NTRK3: variants seen among roughly 807,000 people sequenced by gnomAD.
NTRK3 encodes neurotrophic receptor tyrosine kinase 3.
A neutral mutation model predicts 91.7 loss-of-function variants in NTRK3; 24 were observed. The observed-to-expected ratio is 0.26, with a 90% CI of 0.19 to 0.37. The LOEUF is 0.37. Among genes scored for constraint, NTRK3 ranks in the 10% least tolerant of loss-of-function variants. NTRK3 has a pLI of 1.00. For synonymous variants in NTRK3, 483 were observed against 404.0 expected, an observed-to-expected ratio of 1.20 and a Z score of -2.34; for missense variants, 880 against 1,068.9, an observed-to-expected ratio of 0.82 and a Z score of 2.46.
intron 5 of NTRK3, among the ~76,000 whole-genome samples, chr15:88,153,553 C>A (rs778510579): frequency 6.6e-6 from 1 of 152,172 alleles, no homozygotes; most frequent in Non-Finnish European, 1.5e-5. Flanking sequence ...CTGTGCCCAG[C>A]CTCTTTTTTT....
At chr15:88,198,767 CA>C (rs1288593436) in intron 3 of NTRK3, among the ~76,000 whole-genome samples, 1 of 152,182 alleles carries the variant, frequency 6.6e-6, no homozygotes. Flanking sequence ...AGGTGGGCTC[CA>C]ACCTGCAGTG....
chr15:87,890,986 A>C (rs905140062), intron 17 of NTRK3, among the ~76,000 whole-genome samples: 1 of 152,214 alleles, frequency 6.6e-6, no homozygotes, highest in African/African-American at 2.4e-5. Context: ...GATTTTTCTC[A>C]TATCAAATTT....
chr15:88,101,431 A>G (rs2050160918), intron 13 of NTRK3, among the ~76,000 whole-genome samples: 1 of 152,324 alleles, frequency 6.6e-6, no homozygotes, highest in South Asian at 2.1e-4. Context: ...ACTGTAAACT[A>G]GTTCAACCAT....
chr15:87,904,884 C>T (rs1176361935), intron 17 of NTRK3, among the ~76,000 whole-genome samples: 1 of 152,178 alleles, frequency 6.6e-6, no homozygotes, highest in Non-Finnish European at 1.5e-5. Flanking sequence ...AGCTAATTTG[C>T]TTGCTTATTT....
intron 14 of NTRK3, among the ~76,000 whole-genome samples, chr15:88,022,388 C>A (rs943210978): frequency 2.0e-5 from 3 of 152,184 alleles, no homozygotes; most frequent in Non-Finnish European, 4.4e-5. Flanking sequence ...TCCTATCTGA[C>A]CCCTATGTAT....
intron 5 of NTRK3, among the ~76,000 whole-genome samples, chr15:88,153,409 A>AT (rs1455934490): frequency 2.0e-5 from 3 of 151,724 alleles, no homozygotes; most frequent in Non-Finnish European, 4.4e-5. Flanking sequence ...CTCCCAGCTA[A>AT]TTTTTTGTAT....
At chr15:87,907,627 A>T (rs955157901) in intron 17 of NTRK3, among the ~76,000 whole-genome samples, 8 of 152,146 alleles carry the variant, frequency 5.3e-5, no homozygotes, top group Non-Finnish European at 1.2e-4. Context: ...GCCTGTGGAA[A>T]GCCTCTCAAG....
At chr15:87,978,624 C>T (rs1186015439) in intron 14 of NTRK3, 5 of 230,968 alleles carry the variant, frequency 2.2e-5, no homozygotes, top group Non-Finnish European at 3.4e-5. Flanking sequence ...CTCTCCTCTG[C>T]AAGGAGTTTT....
chr15:88,000,721 C>T (rs977866890), intron 14 of NTRK3, among the ~76,000 whole-genome samples: 5 of 152,090 alleles, frequency 3.3e-5, no homozygotes, highest in Admixed American at 6.5e-5. Context: ...AATAATATTC[C>T]ATGGATATAT....
exon 19 of NTRK3, chr15:87,876,816 T>C: frequency 8.3e-7 from 1 of 1,206,132 alleles, no homozygotes; most frequent in Non-Finnish European, 1.2e-6. Flanking sequence ...AGCAGGCACT[T>C]GAGTTTATAT....
chr15:88,021,769 A>G lies in NTRK3; in HGVS notation c.1585+11088T>C, dbSNP rs527728428. Among the ~76,000 whole-genome samples, 7 of 152,270 alleles carry G rather than the reference A, an allele frequency of 4.6e-5. No homozygotes were observed. The South Asian group carries it at 1.5e-3, about 32-fold the overall frequency. ...ACAATATAGTGCAAGGGGAATGAGA[A>G]CCGACAAATTCTTTGGGACATCTGT... On this transcript the variant is annotated intron_variant, in intron 14 of 18. Transcript: ENST00000394480.
At chr15:87,977,064 G>C (rs1596488190) in intron 14 of NTRK3, among the ~76,000 whole-genome samples, 1 of 152,310 alleles carries the variant, frequency 6.6e-6, no homozygotes, top group Non-Finnish European at 1.5e-5. Flanking sequence ...AGTCAGATTT[G>C]AATCTTGCTT....
At chr15:88,161,245 T>C (rs779671618) in intron 5 of NTRK3, among the ~76,000 whole-genome samples, 7 of 152,166 alleles carry the variant, frequency 4.6e-5, no homozygotes, top group Non-Finnish European at 7.3e-5. Context: ...TCATCTCTGT[T>C]TTACAGAGAG....
intron 13 of NTRK3, among the ~76,000 whole-genome samples, 194 bp from the exon 14 acceptor site, chr15:88,033,239 G>A (rs1251257415): frequency 5.5e-5 from 6 of 108,782 alleles, no homozygotes; most frequent in African/African-American, 1.4e-4. Context: ...TGGGTTTCTG[G>A]TGTATTTTAG....
intron 17 of NTRK3, among the ~76,000 whole-genome samples, chr15:87,915,907 G>A (rs538292753): frequency 4.6e-5 from 7 of 152,188 alleles, no homozygotes; most frequent in Admixed American, 1.3e-4. Flanking sequence ...GAAGCTCAGT[G>A]ATTCAATTGA....
In NTRK3 at chr15:87,995,961, C is replaced by A. The variant is rs573415504; in HGVS notation, c.1585+36896G>T. Among the ~76,000 whole-genome samples the A allele has an allele frequency of 9.9e-5, 15 of 152,084 alleles. No individual in the cohort carries two copies. The South Asian group carries it at 1.9e-3, about 19-fold the overall frequency. ...TCCAACCATTTAAAAACATAAAAACCGGCTGGGTGTGATGGTTCATGCTTG... is the reference window on the plus strand; with the variant it reads ...TCCAACCATTTAAAAACATAAAAACAGGCTGGGTGTGATGGTTCATGCTTG... On this transcript the variant is annotated intron_variant, in intron 14 of 18. Transcript: ENST00000394480.
chr15:88,089,516 G>A (rs944289425), intron 13 of NTRK3, among the ~76,000 whole-genome samples: 1 of 152,190 alleles, frequency 6.6e-6, no homozygotes, highest in African/African-American at 2.4e-5. Context: ...CTATTAAAAA[G>A]CATGTTGTCA....
At chr15:88,183,572 G>A in intron 4 of NTRK3, 83 bp from the exon 5 acceptor site, 1 of 1,271,232 alleles carries the variant, frequency 7.9e-7, no homozygotes, top group East Asian at 2.3e-5. Context: ...AGGGGGTGAG[G>A]CTAAGGCTGG....
chr15:88,216,413 C>T (rs2049775924), intron 3 of NTRK3, among the ~76,000 whole-genome samples: 1 of 152,202 alleles, frequency 6.6e-6, no homozygotes, highest in African/African-American at 2.4e-5. Flanking sequence ...GGGCCTGGAG[C>T]TTGAGAAGGA....
Sources: gnomAD v4.1 joint callset for allele counts (sites outside exome capture counted in the v4.1 genomes callset) on GRCh38, gnomAD v4.1.1 for gene constraint, MANE v1.5 for transcripts, NCBI Gene and HGNC (gene_info 2026-07-23, HGNC 2026-07-21) for gene names.